The following ZBTB2 variants were observed in gnomAD, a reference collection of about 807,000 sequenced individuals.
ZBTB2 encodes zinc finger and BTB domain-containing protein 2.
In ZBTB2, 2 loss-of-function variants were observed where a neutral mutation model predicts 39.5. That is an observed-to-expected ratio of 0.05 (90% CI 0.02 to 0.16). The LOEUF (loss-of-function observed/expected upper bound fraction) is 0.16, where lower values mean the gene tolerates loss of function less well. Ranked by LOEUF, ZBTB2 falls within the 10% of genes least tolerant of loss-of-function variation. ZBTB2 has a pLI of 1.00. For missense variants in ZBTB2, 391 were observed against 653.0 expected (o/e 0.60, Z 4.37); for synonymous variants, 251 against 256.6 (o/e 0.98, Z 0.21).
rs764570091 is a variant in ZBTB2, at chr6:151,373,349, G to A, written c.173+116C>T. ...AGTGGGGGCGAGTGAGGCCACAAGG[G>A]AGCAGGTCACCTAGGAGCTAGGAGA... On this transcript the variant is annotated intron_variant, in intron 2 of 2. Coordinates refer to ENST00000325144, the MANE Select transcript of ZBTB2 (RefSeq NM_020861.3). 238 of 1,147,038 alleles carry A rather than the reference G, an allele frequency of 2.1e-4. 1 individual carries two copies. Among genetic ancestry groups the A allele is most frequent in the Non-Finnish European group, 2.8e-4 (225 of 794,410 alleles). The allele number at this position is 1,147,038 out of a possible 1,614,324, so 71.1% of individuals were successfully genotyped here. A position where few individuals can be genotyped will look rare whatever the true frequency, so the allele number is the denominator to read the frequency against.
chr6:151,368,756 TTTTC>T (rs774983368), intron 2 of ZBTB2, among the ~76,000 whole-genome samples: 54 of 140,900 alleles, frequency 3.8e-4, no homozygotes, highest in Admixed American at 8.0e-4. Flanking sequence ...GCCTGGTCAT[TTTTC>T]TTTCTTTTTT....
At chr6:151,391,270 G>C (rs550298115) in intron 1 of ZBTB2, 150 bp downstream of exon 1, 2 of 152,050 alleles carry the variant, frequency 1.3e-5, no homozygotes, top group African/African-American at 4.8e-5. Flanking sequence ...GCCCTGGTAC[G>C]AGGGTCATTC....
rs567218482 is a variant in ZBTB2, at chr6:151,387,291, C to T, written c.-13+4129G>A. 1.1e-3 allele frequency among the ~76,000 whole-genome samples: 168 copies of T among 152,070 alleles called. 1 individual carries two copies. Among genetic ancestry groups the T allele is most frequent in the African/African-American group, 3.8e-3 (157 of 41,454 alleles). On this transcript the variant is annotated intron_variant, in intron 1 of 2. Transcript: ENST00000325144. ...TCATTTACCCACTCATGATTTTTAACATCATCTGTTGGTCATTTGGAAAAT... is the reference window on the plus strand; with the variant it reads ...TCATTTACCCACTCATGATTTTTAATATCATCTGTTGGTCATTTGGAAAAT...
intron 1 of ZBTB2, among the ~76,000 whole-genome samples, chr6:151,380,954 A>C (rs1191144715): frequency 6.6e-6 from 1 of 152,138 alleles, no homozygotes; most frequent in African/African-American, 2.4e-5. Context: ...CCAGGTACAC[A>C]AATCTGCTCC....
intron 1 of ZBTB2, among the ~76,000 whole-genome samples, chr6:151,384,665 A>G (rs961900221): frequency 6.6e-6 from 1 of 152,212 alleles, no homozygotes; most frequent in African/African-American, 2.4e-5. Context: ...TTTGGCGGGA[A>G]GAGCAAGAGG....
intron 2 of ZBTB2, among the ~76,000 whole-genome samples, chr6:151,367,919 G>T (rs1323887534): frequency 6.6e-6 from 1 of 152,144 alleles, no homozygotes; most frequent in Non-Finnish European, 1.5e-5. Flanking sequence ...ACCATCGGTA[G>T]TAACAAATTC....
At chr6:151,373,859 A>AAAAAAC (rs1778839463) in intron 1 of ZBTB2, among the ~76,000 whole-genome samples, 1 of 144,644 alleles carries the variant, frequency 6.9e-6, no homozygotes, top group Non-Finnish European at 1.5e-5. Flanking sequence ...AAAAAAAAAA[A>AAAAAAC]AAAAAAAAAA....
At position 151,365,339 on chromosome 6, in the gene ZBTB2, T is replaced by G. The variant is rs903131216; in HGVS notation, c.*182A>C. On this transcript the variant is annotated 3_prime_UTR_variant, in exon 3 of 3. Coordinates refer to ENST00000325144, the MANE Select transcript of ZBTB2 (RefSeq NM_020861.3). The surrounding 1 kb of genome is among the most constrained non-coding windows in gnomAD (Gnocchi z 5.6). ...TATCCCCTGAAAGAAAGTCGATACA[T>G]TCCAGGTTTATAATGCACAAAGCCT... 3.1e-6 allele frequency: 2 copies of G among 652,178 alleles called. No homozygotes were observed. Among genetic ancestry groups the G allele is most frequent in the African/African-American group, 3.6e-5 (2 of 54,952 alleles). 40.4% of individuals were successfully genotyped at this position (652,178 alleles called of 1,614,324 possible). A position where few individuals can be genotyped will look rare whatever the true frequency, so the allele number is the denominator to read the frequency against.
chr6:151,386,133 G>T (rs1221166082), intron 1 of ZBTB2, among the ~76,000 whole-genome samples: 1 of 152,150 alleles, frequency 6.6e-6, no homozygotes, highest in Non-Finnish European at 1.5e-5. Context: ...GTGTCAAACA[G>T]AAGTAGATCA....
chr6:151,388,180 C>T (rs923592908), intron 1 of ZBTB2, among the ~76,000 whole-genome samples: 2 of 151,890 alleles, frequency 1.3e-5, no homozygotes, highest in African/African-American at 4.8e-5. Context: ...AATGACCTTT[C>T]CCAGGTGCAT....
At chr6:151,375,369 T>C (rs1778885516) in intron 1 of ZBTB2, among the ~76,000 whole-genome samples, 1 of 152,118 alleles carries the variant, frequency 6.6e-6, no homozygotes, top group Non-Finnish European at 1.5e-5. Flanking sequence ...ATAAAGGATC[T>C]AAATAAACAA....
intron 1 of ZBTB2, among the ~76,000 whole-genome samples, chr6:151,389,147 AGCGGTG>A (rs1779228173): frequency 6.6e-6 from 1 of 152,148 alleles, no homozygotes; most frequent in South Asian, 2.1e-4. Flanking sequence ...CTTGTCCAGG[AGCGGTG>A]GCTCACCCCT....
intron 1 of ZBTB2, among the ~76,000 whole-genome samples, chr6:151,386,638 GAAAATAT>G (rs1779159220): frequency 2.6e-5 from 4 of 152,186 alleles, no homozygotes; most frequent in Admixed American, 2.6e-4. Flanking sequence ...TTAATCTGAA[GAAAATAT>G]AATCACCTAA....
At chr6:151,368,257 C>G (rs1477509971) in intron 2 of ZBTB2, among the ~76,000 whole-genome samples, 3 of 152,028 alleles carry the variant, frequency 2.0e-5, no homozygotes, top group African/African-American at 7.2e-5. Flanking sequence ...CACCATTCTC[C>G]TGCCTCAGCC....
At position 151,366,694 on chromosome 6, in the gene ZBTB2, T is replaced by G; in HGVS notation, c.372A>C (p.Gln124His). The G allele has an allele frequency of 6.2e-7, 1 of 1,614,110 alleles. No homozygotes were observed. Among genetic ancestry groups the G allele is most frequent in the African/African-American group, 1.3e-5 (1 of 75,018 alleles). ...ASQGAFSHPD[Q>H]VFPLASSLYG... ...ACAATGAAGAAGCCAGTGGGAAAAC[T>G]TGGTCAGGGTGAGAAAAGGCTCCCT... The change falls in exon 3 of 3, where the codon CAA (glutamine) becomes CAC (histidine). Residue 124 changes from glutamine (Q) to histidine (H), a missense_variant. By Grantham distance (24) the Gln-to-His change is conservative. Around this residue, in one of 7 missense-constraint regions of ZBTB2, gnomAD observed 175 missense variants for 198.6 expected, o/e 0.88. Coordinates refer to ENST00000325144, the MANE Select transcript of ZBTB2 (RefSeq NM_020861.3). The surrounding 1 kb of genome is among the most constrained non-coding windows in gnomAD (Gnocchi z 7.1).
chr6:151,378,086 TC>T (rs1260697321), intron 1 of ZBTB2: 2 of 152,210 alleles, frequency 1.3e-5, no homozygotes, highest in Middle Eastern at 3.2e-3. Context: ...TAACTCACTA[TC>T]TTCGCACCAG....
rs370458603 is a variant in ZBTB2, at chr6:151,382,803, G to A, written c.-13+8617C>T. ...ATTCCTGACCTCAGGTGATCCACCCGCTCGGCCTCCCAAAGTGCTGGGACT... is the reference window on the plus strand; with the variant it reads ...ATTCCTGACCTCAGGTGATCCACCCACTCGGCCTCCCAAAGTGCTGGGACT... On this transcript the variant is annotated intron_variant, in intron 1 of 2. Transcript: ENST00000325144. Among the ~76,000 whole-genome samples, 9 of 148,292 alleles carry A rather than the reference G, an allele frequency of 6.1e-5. No individual in the cohort carries two copies. The East Asian group carries it at 1.0e-3, about 17-fold the overall frequency.
At chr6:151,385,518 G>A (rs903997748) in intron 1 of ZBTB2, among the ~76,000 whole-genome samples, 1 of 152,164 alleles carries the variant, frequency 6.6e-6, no homozygotes, top group Non-Finnish European at 1.5e-5. Flanking sequence ...GTAAGAATAG[G>A]AGATCAAAAC....
At chr6:151,368,601 G>T (rs1317619627) in intron 2 of ZBTB2, among the ~76,000 whole-genome samples, 3 of 151,798 alleles carry the variant, frequency 2.0e-5, no homozygotes, top group Non-Finnish European at 4.4e-5. Flanking sequence ...TTACAGGCGT[G>T]TGCCACCAGT....
Sources: allele counts gnomAD v4.1 joint callset (sites outside exome capture counted in the v4.1 genomes callset), GRCh38; gene constraint gnomAD v4.1.1; regional missense constraint gnomAD v4.1.1; non-coding constraint Gnocchi (gnomAD v3.1); transcripts MANE v1.5; gene names NCBI Gene and HGNC (gene_info 2026-07-23, HGNC 2026-07-21).